DNAH9: variants seen among roughly 807,000 people sequenced by gnomAD.
DNAH9 encodes the protein DNAH9 variant protein.
In DNAH9, 345 loss-of-function variants were observed where a neutral mutation model predicts 471.6. The observed-to-expected ratio is 0.73, with a 90% CI of 0.67 to 0.80. DNAH9 has a LOEUF of 0.80. DNAH9 is among the 30% of genes least tolerant of loss of function. The pLI is 0.00. For missense variants in DNAH9, 5,407 were observed against 5,609.2 expected, an observed-to-expected ratio of 0.96 and a Z score of 1.15; for synonymous variants, 2,093 against 2,123.6, an observed-to-expected ratio of 0.99 and a Z score of 0.40.
Position 11,789,947 on chromosome 17 carries a change from G to A in DNAH9, c.8062-3556G>A, listed in dbSNP as rs149410959. On this transcript the variant is annotated intron_variant, in intron 41 of 68. Coordinates refer to ENST00000262442, the MANE Select transcript of DNAH9 (RefSeq NM_001372.4). ...CACTATGATTTCTTCTTTGACTCAC[G>A]GAATATTTAGAAGTGTATTGCTTTA... 3.0e-3 allele frequency among the ~76,000 whole-genome samples: 457 copies of A among 151,906 alleles called. 2 individuals carry two copies. The highest frequency in any genetic ancestry group is 5.4e-3 in the Non-Finnish European group (364 of 67,824).
intron 6 of DNAH9, among the ~76,000 whole-genome samples, chr17:11,620,270 T>C (rs954208816): frequency 1.3e-5 from 2 of 151,866 alleles, no homozygotes; most frequent in Admixed American, 1.3e-4. Flanking sequence ...ATCCCAGCAT[T>C]TGGGGAGGCC....
intron 26 of DNAH9, among the ~76,000 whole-genome samples, chr17:11,712,838 G>A (rs1264847022): frequency 6.7e-6 from 1 of 149,792 alleles, no homozygotes; most frequent in Non-Finnish European, 1.5e-5. Context: ...CAGATATTTT[G>A]TCCCAGTCTT....
chr17:11,834,540 T>C, intron 48 of DNAH9, 98 bp from the exon 49 acceptor site: 1 of 1,423,334 alleles, frequency 7.0e-7, no homozygotes, highest in South Asian at 1.3e-5. Context: ...TCCACAGAGT[T>C]GGGTCCTCAG....
rs755742058 is a variant in DNAH9 at position 11,821,915 on chromosome 17, C to T, written c.8708-5C>T. 3.7e-6 allele frequency: 6 copies of T among 1,603,682 alleles called. No individual in the cohort carries two copies. The highest frequency in any genetic ancestry group is 3.5e-5 in the Admixed American group (2 of 57,130). Reference sequence around the variant, plus strand: ...GCTGCCTATCTGTGCTCCATTTTTTCCCAGGGGAGATCCCAGATCTCTACT... The same window carrying T: ...GCTGCCTATCTGTGCTCCATTTTTTTCCAGGGGAGATCCCAGATCTCTACT... On this transcript the variant is annotated splice_polypyrimidine_tract_variant and splice_region_variant and intron_variant, in intron 45 of 68. Coordinates refer to ENST00000262442, the MANE Select transcript of DNAH9 (RefSeq NM_001372.4).
chr17:11,724,617 G>A (rs2075121229), intron 27 of DNAH9, among the ~76,000 whole-genome samples: 1 of 152,078 alleles, frequency 6.6e-6, no homozygotes, highest in Non-Finnish European at 1.5e-5. Context: ...CTTAACTATT[G>A]TGAATAAACA....
intron 65 of DNAH9, among the ~76,000 whole-genome samples, chr17:11,935,027 G>C (rs762182332): frequency 6.6e-6 from 1 of 151,672 alleles, no homozygotes; most frequent in African/African-American, 2.4e-5. Context: ...ACAGTGGTGC[G>C]ATCTTGGCTC....
intron 19 of DNAH9, among the ~76,000 whole-genome samples, chr17:11,688,866 G>A (rs2074284405): frequency 6.6e-6 from 1 of 152,132 alleles, no homozygotes; most frequent in African/African-American, 2.4e-5. Context: ...TGGAGGCCAA[G>A]GCGGGTGGAT....
chr17:11,931,996 G>A lies in DNAH9; in HGVS notation c.12106-18G>A, dbSNP rs2151036018. 2 of 1,613,198 alleles carry A rather than the reference G, an allele frequency of 1.2e-6. No homozygotes were observed. Among genetic ancestry groups the A allele is most frequent in the Non-Finnish European group, 1.7e-6 (2 of 1,179,342 alleles). On this transcript the variant is annotated intron_variant, in intron 63 of 68. Coordinates refer to ENST00000262442, the MANE Select transcript of DNAH9 (RefSeq NM_001372.4). ...GAGAAGTTGTGTGCGAACCTTAAAA[G>A]CGACACTCTCATTTCAGGACACTCT... is the stretch of plus-strand genomic sequence containing the variant.
chr17:11,891,904 T>A lies in DNAH9; in HGVS notation c.11240T>A (p.Phe3747Tyr). The change falls in exon 58 of 69, where the codon TTT (phenylalanine) becomes TAT (tyrosine). Residue 3747 changes from phenylalanine to tyrosine, a missense_variant. This residue lies in a region of DNAH9 where 4,636 missense variants were observed against 4,900.3 expected (regional missense o/e 0.95). Coordinates refer to ENST00000262442, the MANE Select transcript of DNAH9 (RefSeq NM_001372.4). ...TACCAGTACACCATCCGCGGGCTCT[T>A]TGAGTGTGATAAGCTGACCTACCTT... ...SVYQYTIRGL[F>Y]ECDKLTYLAQ... The A allele has an allele frequency of 6.2e-7, 1 of 1,614,028 alleles. No individual in the cohort carries two copies. The highest frequency in any genetic ancestry group is 1.1e-5 in the South Asian group (1 of 91,070).
rs937288508 is a variant in DNAH9, at chr17:11,822,150, T to C, written c.8850+88T>C. ...GATATTTCGGGCACAACTGTCCTTA[T>C]TGATTGTCTAGAGTAGGTGGTGAGT... On this transcript the variant is annotated intron_variant, in intron 46 of 68. Transcript: ENST00000262442. 75 of 1,469,654 alleles carry C rather than the reference T, an allele frequency of 5.1e-5. No homozygotes were observed. In the African/African-American group the frequency reaches 6.7e-4, roughly 13 times the overall value. 91.0% of individuals were successfully genotyped at this position (1,469,654 alleles called of 1,614,324 possible). A position where few individuals can be genotyped will look rare whatever the true frequency, so the allele number is the denominator to read the frequency against.
chr17:11,658,739 G>A (rs1422320218), intron 14 of DNAH9, among the ~76,000 whole-genome samples: 3 of 151,948 alleles, frequency 2.0e-5, no homozygotes, highest in African/African-American at 7.2e-5. Flanking sequence ...TGATTTCTCT[G>A]CATCTCCTGA....
intron 6 of DNAH9, among the ~76,000 whole-genome samples, chr17:11,620,638 C>T (rs1214760413): frequency 6.6e-6 from 1 of 152,006 alleles, no homozygotes; most frequent in East Asian, 1.9e-4. Flanking sequence ...GAAGAAGGCC[C>T]AAGGAATCAA....
At position 11,905,695 on chromosome 17, in the gene DNAH9, G is replaced by T; in HGVS notation, c.11635G>T (p.Val3879Leu). Reference protein sequence around the residue: ...FVEEKLGSKYVVGRALDFATS... With the variant: ...FVEEKLGSKYLVGRALDFATS... ...TGAAGAGAAGTTAGGAAGCAAATAC[G>T]TGGTGGGAAGAGCCCTAGATTTTGC... Residue 3879 changes from valine (V) to leucine (L), a missense_variant, in exon 61 of 69, where the codon GTG becomes TTG. Coordinates refer to ENST00000262442, the MANE Select transcript of DNAH9 (RefSeq NM_001372.4). The T allele has an allele frequency of 1.9e-6, 3 of 1,614,020 alleles. No individual in the cohort carries two copies. Among genetic ancestry groups the T allele is most frequent in the African/African-American group, 1.3e-5 (1 of 74,998 alleles).
chr17:11,936,466 C>T (rs1440364645), intron 65 of DNAH9, among the ~76,000 whole-genome samples: 1 of 152,032 alleles, frequency 6.6e-6, no homozygotes, highest in African/African-American at 2.4e-5. Context: ...CTCATCTCTA[C>T]AAAAAATAGA....
intron 6 of DNAH9, among the ~76,000 whole-genome samples, chr17:11,627,008 T>C (rs1221861053): frequency 6.6e-6 from 1 of 152,048 alleles, no homozygotes; most frequent in East Asian, 1.9e-4. Flanking sequence ...TATAATATAA[T>C]GCCAAATAAT....
At chr17:11,903,109 G>A (rs1973469705) in intron 60 of DNAH9, among the ~76,000 whole-genome samples, 197 bp downstream of exon 60, 1 of 152,216 alleles carries the variant, frequency 6.6e-6, no homozygotes, top group Non-Finnish European at 1.5e-5. Flanking sequence ...GGGAGGCCGA[G>A]GCAGGTGGAT....
rs377481359 is a variant in DNAH9, at chr17:11,923,956, C to A, written c.11877+15C>A. The stretch of plus-strand genomic sequence containing the variant: ...TTATTTTGCAGGTATGTTCCTCTAC[C>A]CTTGTCTGGGTTATCTTGACCCATA... On this transcript the variant is annotated intron_variant, in intron 62 of 68. Coordinates refer to ENST00000262442, the MANE Select transcript of DNAH9 (RefSeq NM_001372.4). 49 of 1,612,658 alleles carry A rather than the reference C, an allele frequency of 3.0e-5. No homozygotes were observed. Among genetic ancestry groups the A allele is most frequent in the East Asian group, 4.5e-5 (2 of 44,814 alleles).
chr17:11,758,738 G>A (rs139995013), intron 35 of DNAH9, among the ~76,000 whole-genome samples: 8 of 152,244 alleles, frequency 5.3e-5, no homozygotes, highest in South Asian at 2.1e-4. Context: ...ATCCACTCAC[G>A]TTCAAAGTGA....
At chr17:11,672,838 G>A (rs2073993063) in intron 17 of DNAH9, among the ~76,000 whole-genome samples, 1 of 152,138 alleles carries the variant, frequency 6.6e-6, no homozygotes, top group African/African-American at 2.4e-5. Flanking sequence ...CAGAAGCTCA[G>A]GTTGAAGCAT....
Sources: gnomAD v4.1 joint callset for allele counts (sites outside exome capture counted in the v4.1 genomes callset) on GRCh38, gnomAD v4.1.1 for gene constraint, gnomAD v4.1.1 regional missense constraint, MANE v1.5 for transcripts, NCBI Gene and HGNC (gene_info 2026-07-23, HGNC 2026-07-21) for gene names.